The following AGBL1 variants were observed in gnomAD, a reference collection of about 807,000 sequenced individuals.
AGBL1 encodes the protein cytosolic carboxypeptidase 4.
In AGBL1, 130 loss-of-function variants were observed where a neutral mutation model predicts 118.9. The ratio of observed to expected loss-of-function variants is 1.09; its 90% confidence interval spans 0.95 to 1.26. AGBL1 has a LOEUF of 1.26. Among genes scored for constraint, AGBL1 ranks in the 50% most tolerant of loss-of-function variants. The probability of loss-of-function intolerance (pLI) is 0.00; values close to 1 mark genes in which losing one functional copy is unlikely to be tolerated. For missense variants in AGBL1, 1,584 were observed against 1,298.1 expected (o/e 1.22, Z -3.38); for synonymous variants, 555 against 478.9 (o/e 1.16, Z -2.08).
At chr15:86,824,862 A>T (rs2078985886) in intron 22 of AGBL1, among the ~76,000 whole-genome samples, 1 of 152,082 alleles carries the variant, frequency 6.6e-6, no homozygotes, top group Non-Finnish European at 1.5e-5. Flanking sequence ...GTTCAAGAGC[A>T]GCCTGGCCAA....
intron 18 of AGBL1, among the ~76,000 whole-genome samples, chr15:86,471,518 A>G (rs986464020): frequency 7.1e-6 from 1 of 140,984 alleles, no homozygotes; most frequent in Non-Finnish European, 1.5e-5. Flanking sequence ...TTTTTTTTAT[A>G]GCTTCCTCAT....
At chr15:86,470,119 T>C (rs1469911188) in intron 18 of AGBL1, among the ~76,000 whole-genome samples, 1 of 152,186 alleles carries the variant, frequency 6.6e-6, no homozygotes, top group Non-Finnish European at 1.5e-5. Flanking sequence ...TGCCTGTGCT[T>C]TAGAGATCGT....
At chr15:86,203,855 T>C (rs1378455242) in intron 5 of AGBL1, among the ~76,000 whole-genome samples, 1 of 152,212 alleles carries the variant, frequency 6.6e-6, no homozygotes, top group Non-Finnish European at 1.5e-5. Flanking sequence ...CTGTCTCTCA[T>C]CTTATTCATT....
intron 17 of AGBL1, among the ~76,000 whole-genome samples, chr15:86,373,341 T>C (rs1745448056): frequency 6.6e-6 from 1 of 152,182 alleles, no homozygotes; most frequent in South Asian, 2.1e-4. Flanking sequence ...TCTGCTCTCA[T>C]GGGCAGAGAA....
chr15:86,226,548 T>A (rs1013803214), intron 6 of AGBL1, among the ~76,000 whole-genome samples: 5 of 152,312 alleles, frequency 3.3e-5, no homozygotes, highest in Admixed American at 2.0e-4. Flanking sequence ...CCTACCTAGA[T>A]GTGTAAAACT....
At chr15:86,632,293 G>A (rs1359622795) in intron 21 of AGBL1, among the ~76,000 whole-genome samples, 1 of 103,820 alleles carries the variant, frequency 9.6e-6, no homozygotes, top group Non-Finnish European at 2.1e-5. Context: ...AAAAAAAAAA[G>A]GCTGGCCAGG....
chr15:86,408,416 C>T (rs937016452), intron 18 of AGBL1, among the ~76,000 whole-genome samples: 3 of 152,206 alleles, frequency 2.0e-5, no homozygotes, highest in Non-Finnish European at 2.9e-5. Flanking sequence ...ATCCGAAAAT[C>T]ATAATCTCTT....
At position 86,579,935 on chromosome 15, in the gene AGBL1, A is replaced by T. The variant is rs568641059; in HGVS notation, c.2994+25398A>T. 1.2e-4 allele frequency among the ~76,000 whole-genome samples: 18 copies of T among 151,566 alleles called. No homozygotes were observed. The South Asian group carries it at 3.6e-3, about 30-fold the overall frequency. On this transcript the variant is annotated intron_variant, in intron 21 of 22. Transcript: ENST00000614907. Reference sequence around the variant, plus strand: ...CTGTATTTGATACTGGGAATGTAAGAAGGAAAACTGTCTTGTGGGATGTTT... The same window carrying T: ...CTGTATTTGATACTGGGAATGTAAGTAGGAAAACTGTCTTGTGGGATGTTT...
intron 10 of AGBL1, 141 bp from the exon 11 acceptor site, chr15:86,264,117 C>G (rs905906913): frequency 1.4e-6 from 1 of 703,806 alleles, no homozygotes; most frequent in South Asian, 2.0e-5. Context: ...GAAGGTTAGT[C>G]TTTAGTTGAC....
chr15:87,017,815 A>G (rs1165117505), intron 24 of AGBL1, among the ~76,000 whole-genome samples: 1 of 152,184 alleles, frequency 6.6e-6, no homozygotes, highest in Non-Finnish European at 1.5e-5. Context: ...AATTGACAGA[A>G]GTAGGCTTCA....
At chr15:86,198,767 C>T (rs895783415) in intron 5 of AGBL1, among the ~76,000 whole-genome samples, 1 of 152,060 alleles carries the variant, frequency 6.6e-6, no homozygotes, top group African/African-American at 2.4e-5. Flanking sequence ...CCAAGAAGGG[C>T]GCCCTTAGCA....
intron 22 of AGBL1, among the ~76,000 whole-genome samples, chr15:86,687,879 C>G (rs981417140): frequency 6.6e-6 from 1 of 152,212 alleles, no homozygotes; most frequent in Non-Finnish European, 1.5e-5. Context: ...CACTGGCAGC[C>G]AGGTCAGTAC....
chr15:86,903,505 A>T (rs2080240163), intron 22 of AGBL1, among the ~76,000 whole-genome samples: 2 of 152,174 alleles, frequency 1.3e-5, no homozygotes, highest in African/African-American at 4.8e-5. Flanking sequence ...CAGCTGTATC[A>T]TCTTGCTGTT....
chr15:86,940,779 A>C (rs1431345404), intron 23 of AGBL1, among the ~76,000 whole-genome samples: 1 of 152,216 alleles, frequency 6.6e-6, no homozygotes, highest in South Asian at 2.1e-4. Flanking sequence ...AACAAAAAGT[A>C]ACCTGAAGTA....
chr15:86,751,110 TGTA>T (rs927082240), intron 22 of AGBL1, among the ~76,000 whole-genome samples: 20 of 152,130 alleles, frequency 1.3e-4, no homozygotes, highest in African/African-American at 4.8e-4. Flanking sequence ...TAAATATGCA[TGTA>T]TCTTTATAAT....
chr15:86,481,526 C>T (rs545842430), intron 18 of AGBL1, among the ~76,000 whole-genome samples: 18 of 152,176 alleles, frequency 1.2e-4, no homozygotes, highest in Non-Finnish European at 1.5e-4. Context: ...GCAATGAATG[C>T]ATATTAATAA....
At chr15:86,309,469 TC>T (rs2141820360) in intron 17 of AGBL1, among the ~76,000 whole-genome samples, 1 of 152,350 alleles carries the variant, frequency 6.6e-6, no homozygotes, top group African/African-American at 2.4e-5. Context: ...AGAGTAGGCA[TC>T]CTTGTCTTAC....
At chr15:86,813,290 C>G (rs1445213612) in intron 22 of AGBL1, among the ~76,000 whole-genome samples, 4 of 152,052 alleles carry the variant, frequency 2.6e-5, no homozygotes, top group African/African-American at 7.2e-5. Flanking sequence ...CTCCGCTGTG[C>G]TATTCCCAGT....
chr15:87,010,093 G>T (rs1331881759), intron 24 of AGBL1, among the ~76,000 whole-genome samples: 1 of 152,100 alleles, frequency 6.6e-6, no homozygotes, highest in Non-Finnish European at 1.5e-5. Flanking sequence ...GGGGCCAGGG[G>T]TGGAATGATA....
Sources: allele counts gnomAD v4.1 joint callset (sites outside exome capture counted in the v4.1 genomes callset), GRCh38; gene constraint gnomAD v4.1.1; transcripts MANE v1.5; gene names NCBI Gene and HGNC (gene_info 2026-07-23, HGNC 2026-07-21).